The following ABCA10 variants were observed in gnomAD, a reference collection of about 807,000 sequenced individuals.
The protein encoded by ABCA10 is ATP-binding cassette sub-family A member 10.
In ABCA10, 169 loss-of-function variants were observed where a neutral mutation model predicts 187.5. The ratio of observed to expected loss-of-function variants is 0.90; its 90% CI spans 0.80 to 1.02. The LOEUF is 1.02. ABCA10 is among the 50% of genes least tolerant of loss of function. ABCA10 has a pLI of 0.00. For synonymous variants in ABCA10, 574 were observed against 601.8 expected (o/e 0.95, Z 0.68); for missense variants, 1,727 against 1,812.4 (o/e 0.95, Z 0.86).
At chr17:69,201,951 TTTTG>T (rs1170947908) in intron 9 of ABCA10, among the ~76,000 whole-genome samples, 1 of 152,100 alleles carries the variant, frequency 6.6e-6, no homozygotes, top group Non-Finnish European at 1.5e-5. Context: ...CCCGGCTAAC[TTTTG>T]TATTTTTATT....
chr17:69,225,454 C>T lies in ABCA10; in HGVS notation c.-96G>A, dbSNP rs1353650635. 7.6e-7 allele frequency: 1 copy of T among 1,318,500 alleles called. No homozygotes were observed. The highest frequency in any genetic ancestry group is 1.5e-5 in the African/African-American group (1 of 68,028). 81.7% of individuals were successfully genotyped at this position (1,318,500 alleles called of 1,614,324 possible). A position where few individuals can be genotyped will look rare whatever the true frequency, so the allele number is the denominator to read the frequency against. The stretch of plus-strand genomic sequence containing the variant: ...CTTCCCAGGACTTTAGGAGGTTGTT[C>T]AGGAAAACGGGTAGCTCTGAAGTGT... On this transcript the variant is annotated 5_prime_UTR_variant, in exon 3 of 39. The change abolishes the stop of an existing upstream ORF in the 5' untranslated region. Transcript: ENST00000690296.
upstream of ABCA10, among the ~76,000 whole-genome samples, chr17:69,230,287 A>T (rs1043067983): frequency 6.6e-6 from 1 of 152,104 alleles, no homozygotes; most frequent in East Asian, 1.9e-4. Context: ...GCTGGGTACA[A>T]CTAAATCTGT....
At chr17:69,157,551 G>A (rs1007715090) in intron 27 of ABCA10, among the ~76,000 whole-genome samples, 3 of 152,136 alleles carry the variant, frequency 2.0e-5, no homozygotes, top group Non-Finnish European at 2.9e-5. Context: ...AATTCACATC[G>A]CTGGATGGTC....
At chr17:69,232,607 T>C (rs1371055460), upstream of ABCA10, among the ~76,000 whole-genome samples, 1 of 152,198 alleles carries the variant, frequency 6.6e-6, no homozygotes, top group African/African-American at 2.4e-5. Context: ...TTATTTTTAA[T>C]AGTTTTGACT....
At chr17:69,238,393 C>A (rs2074884928) in intron 1 of ABCA10, among the ~76,000 whole-genome samples, 1 of 152,112 alleles carries the variant, frequency 6.6e-6, no homozygotes, top group East Asian at 1.9e-4. Flanking sequence ...GTTCTTACCC[C>A]ATAGGTCAAG....
intron 4 of ABCA10, 140 bp from the exon 5 acceptor site, chr17:69,222,035 A>T: frequency 3.1e-6 from 2 of 652,008 alleles, no homozygotes; most frequent in South Asian, 2.5e-5. Flanking sequence ...AGGATTTTTA[A>T]AGTACTCTAC....
Position 69,153,585 on chromosome 17 carries a change from C to T in ABCA10, c.3966-39G>A, listed in dbSNP as rs749374558. ...GTGTGATTATACATGAAGTATATGGCAAATGGACCTATCTAAAACAACTGT... is the reference window on the plus strand; with the variant it reads ...GTGTGATTATACATGAAGTATATGGTAAATGGACCTATCTAAAACAACTGT... On this transcript the variant is annotated intron_variant, in intron 32 of 38. Coordinates refer to ENST00000690296, the MANE Select transcript of ABCA10 (RefSeq NM_001377321.1). The T allele has an allele frequency of 3.1e-6, 5 of 1,607,266 alleles. No homozygotes were observed. The South Asian group carries it at 5.5e-5, about 18-fold the overall frequency.
At chr17:69,223,792 C>T in intron 3 of ABCA10, 1 of 325,910 alleles carries the variant, frequency 3.1e-6, no homozygotes, top group Non-Finnish European at 6.0e-6. Flanking sequence ...TAGAATAAGA[C>T]AGTGAGAGAG....
At chr17:69,161,970 TGA>T (rs1350745378) in intron 27 of ABCA10, among the ~76,000 whole-genome samples, 1 of 152,212 alleles carries the variant, frequency 6.6e-6, no homozygotes, top group Non-Finnish European at 1.5e-5. Context: ...CACATCAATT[TGA>T]GAGGAAAAAA....
At chr17:69,152,273 G>A in intron 35 of ABCA10, 89 bp downstream of exon 35, 2 of 1,572,372 alleles carry the variant, frequency 1.3e-6, no homozygotes, top group Non-Finnish European at 1.7e-6. Flanking sequence ...TACAGGTTAG[G>A]GAGCTGTAGA....
chr17:69,158,516 A>G (rs1364321855), intron 27 of ABCA10, among the ~76,000 whole-genome samples: 1 of 151,958 alleles, frequency 6.6e-6, no homozygotes, highest in African/African-American at 2.4e-5. Context: ...AATATACACA[A>G]AAGGGAAATA....
At chr17:69,197,772 G>A (rs1223734005) in intron 10 of ABCA10, among the ~76,000 whole-genome samples, 2 of 151,802 alleles carry the variant, frequency 1.3e-5, no homozygotes, top group South Asian at 2.1e-4. Flanking sequence ...TTCCGTTTTG[G>A]CGTACTTTAT....
At chr17:69,209,306 A>T (rs550426962) in intron 9 of ABCA10, among the ~76,000 whole-genome samples, 2 of 142,764 alleles carry the variant, frequency 1.4e-5, no homozygotes, top group East Asian at 3.9e-4. Context: ...TCAAAAGAAG[A>T]AACTTTATCT....
chr17:69,239,683 T>C (rs2074892832), intron 1 of ABCA10, among the ~76,000 whole-genome samples: 1 of 152,154 alleles, frequency 6.6e-6, no homozygotes, highest in Non-Finnish European at 1.5e-5. Context: ...TTTCTAATTG[T>C]TGAGTGCTGC....
intron 28 of ABCA10, 66 bp from the exon 29 acceptor site, chr17:69,155,991 C>G (rs917602770): frequency 1.1e-5 from 17 of 1,479,542 alleles, no homozygotes; most frequent in Non-Finnish European, 1.5e-5. Flanking sequence ...AAAATGTAAA[C>G]CCCTATAATT....
At chr17:69,196,740 C>A (rs1057183176) in intron 11 of ABCA10, among the ~76,000 whole-genome samples, 2 of 152,174 alleles carry the variant, frequency 1.3e-5, no homozygotes, top group Non-Finnish European at 2.9e-5. Flanking sequence ...ACTGAGTGAG[C>A]GAGACTCCGT....
At chr17:69,225,824 T>C (rs1213938994) in intron 2 of ABCA10, among the ~76,000 whole-genome samples, 1 of 152,130 alleles carries the variant, frequency 6.6e-6, no homozygotes, top group Non-Finnish European at 1.5e-5. Context: ...GCAACGTAAG[T>C]ATATGGCATC....
intron 9 of ABCA10, among the ~76,000 whole-genome samples, chr17:69,202,799 T>C (rs1235405990): frequency 3.3e-5 from 5 of 152,086 alleles, no homozygotes; most frequent in African/African-American, 1.2e-4. Context: ...GAGTAGAGAA[T>C]ACAAGTGCAG....
At chr17:69,154,044 G>T (rs1222224279) in intron 31 of ABCA10, 35 bp from the exon 32 acceptor site, 1 of 1,596,650 alleles carries the variant, frequency 6.3e-7, no homozygotes, top group Non-Finnish European at 8.5e-7. Context: ...TTCACCTTTG[G>T]TTTTTGCTCC....
Sources: allele counts gnomAD v4.1 joint callset (sites outside exome capture counted in the v4.1 genomes callset), GRCh38; gene constraint gnomAD v4.1.1; transcripts MANE v1.5; gene names NCBI Gene and HGNC (gene_info 2026-07-23, HGNC 2026-07-21).